CLOCK: variants seen among roughly 807,000 people sequenced by gnomAD.
The protein encoded by CLOCK is clock circadian regulator, also known as circadian locomoter output cycles protein kaput.
CLOCK carries 43 observed loss-of-function variants against 118.4 expected under a neutral mutation model. That is an observed-to-expected ratio of 0.36 (90% CI 0.28 to 0.47). The LOEUF is 0.47. Among genes scored for constraint, CLOCK ranks in the 20% least tolerant of loss-of-function variants. The pLI is 1.00. For synonymous variants in CLOCK, 326 were observed against 339.2 expected, an observed-to-expected ratio of 0.96 and a Z score of 0.43; for missense variants, 846 against 999.9, an observed-to-expected ratio of 0.85 and a Z score of 2.08.
At chr4:55,443,091 G>C (rs1380812754) in intron 20 of CLOCK, among the ~76,000 whole-genome samples, 2 of 152,096 alleles carry the variant, frequency 1.3e-5, no homozygotes, top group African/African-American at 2.4e-5. Context: ...TCAGCCTCTT[G>C]AGCAAGTCAT....
chr4:55,499,117 A>G (rs1728270073), intron 2 of CLOCK, among the ~76,000 whole-genome samples: 2 of 152,170 alleles, frequency 1.3e-5, no homozygotes, highest in African/African-American at 2.4e-5. Flanking sequence ...CATGAACATG[A>G]GTACTTTAAG....
At chr4:55,508,675 C>T (rs1451203791) in intron 2 of CLOCK, among the ~76,000 whole-genome samples, 2 of 151,474 alleles carry the variant, frequency 1.3e-5, no homozygotes, top group African/African-American at 4.9e-5. Context: ...TCACTGCAAG[C>T]GCCGACTCCC....
chr4:55,537,870 CAAT>C (rs1731006406), intron 1 of CLOCK, among the ~76,000 whole-genome samples: 1 of 152,082 alleles, frequency 6.6e-6, no homozygotes, highest in Non-Finnish European at 1.5e-5. Flanking sequence ...GGTCACAAAT[CAAT>C]GACCTCAGCT....
chr4:55,449,552 G>A, intron 16 of CLOCK, 56 bp from the exon 17 acceptor site: 1 of 1,395,396 alleles, frequency 7.2e-7, no homozygotes, highest in Non-Finnish European at 1.0e-6. Flanking sequence ...AGTTTTTAAA[G>A]ATTAATCTCA....
chr4:55,461,360 TAAGC>T (rs909446215), intron 9 of CLOCK, among the ~76,000 whole-genome samples: 2 of 152,186 alleles, frequency 1.3e-5, no homozygotes, highest in African/African-American at 4.8e-5. Context: ...GCAACTTTTA[TAAGC>T]AAGGTACTGC....
chr4:55,500,133 C>T (rs1327041921), intron 2 of CLOCK, among the ~76,000 whole-genome samples: 2 of 152,038 alleles, frequency 1.3e-5, no homozygotes, highest in African/African-American at 4.8e-5. Flanking sequence ...CTAACTGCTG[C>T]ACTCAACATG....
At chr4:55,490,473 G>A (rs189701844) in intron 2 of CLOCK, among the ~76,000 whole-genome samples, 203 of 152,206 alleles carry the variant, frequency 1.3e-3, no homozygotes, top group African/African-American at 4.6e-3. Flanking sequence ...GAGAAATCAA[G>A]AAGGAAAGCA....
chr4:55,447,445 A>C (rs1262677467), intron 18 of CLOCK, among the ~76,000 whole-genome samples: 1 of 152,262 alleles, frequency 6.6e-6, no homozygotes, highest in Non-Finnish European at 1.5e-5. Flanking sequence ...TTGGACAAGC[A>C]TTATATTGAT....
At chr4:55,451,944 G>A (rs1190883036) in intron 15 of CLOCK, among the ~76,000 whole-genome samples, 2 of 152,124 alleles carry the variant, frequency 1.3e-5, no homozygotes. Context: ...TTGAATGACT[G>A]AATGACATCT....
intron 2 of CLOCK, among the ~76,000 whole-genome samples, chr4:55,495,358 G>A (rs754337077): frequency 1.3e-5 from 2 of 151,906 alleles, no homozygotes; most frequent in African/African-American, 4.8e-5. Flanking sequence ...CTCCCCTCTG[G>A]GAGTTCTGCT....
intron 7 of CLOCK, among the ~76,000 whole-genome samples, chr4:55,475,259 T>C (rs1435244078): frequency 1.3e-5 from 2 of 152,160 alleles, no homozygotes; most frequent in Non-Finnish European, 2.9e-5. Context: ...GAATTAAAAG[T>C]GGAGTCTGAA....
intron 8 of CLOCK, among the ~76,000 whole-genome samples, chr4:55,466,417 TG>T (rs1293675085): frequency 2.6e-5 from 4 of 152,158 alleles, no homozygotes; most frequent in African/African-American, 9.7e-5. Flanking sequence ...TTTATAGCAG[TG>T]TGACAACAGA....
chr4:55,525,546 A>G (rs1730125979), intron 1 of CLOCK, among the ~76,000 whole-genome samples: 1 of 152,176 alleles, frequency 6.6e-6, no homozygotes, highest in Non-Finnish European at 1.5e-5. Context: ...CTTGTTGCCC[A>G]GGCTGGAGTG....
chr4:55,499,587 G>A (rs1478044387), intron 2 of CLOCK, among the ~76,000 whole-genome samples: 1 of 152,226 alleles, frequency 6.6e-6, no homozygotes, highest in Non-Finnish European at 1.5e-5. Context: ...ACAGGAGGCG[G>A]AGCTCAGGCG....
chr4:55,470,859 G>A (rs1726097531), intron 7 of CLOCK, 53 bp from the exon 8 acceptor site: 1 of 1,290,206 alleles, frequency 7.8e-7, no homozygotes, highest in South Asian at 1.3e-5. Flanking sequence ...TATTTTGCAG[G>A]ACAGAAATAA....
chr4:55,454,492 G>GTAATC (rs1277939017), intron 13 of CLOCK, among the ~76,000 whole-genome samples: 1 of 151,426 alleles, frequency 6.6e-6, no homozygotes, highest in African/African-American at 2.4e-5. Flanking sequence ...GTACGTGCCT[G>GTAATC]TAATCCCAGC....
chr4:55,437,857 A>AT (rs1368474448), intron 22 of CLOCK, among the ~76,000 whole-genome samples: 1 of 152,238 alleles, frequency 6.6e-6, no homozygotes, highest in Non-Finnish European at 1.5e-5. Context: ...CTGAAAAATT[A>AT]TAATAAGATT....
In CLOCK at chr4:55,523,440, T is replaced by C. The variant is rs1158271357; in HGVS notation, c.-289-13375A>G. 3.3e-5 allele frequency among the ~76,000 whole-genome samples: 5 copies of C among 152,248 alleles called. No homozygotes were observed. In the East Asian group the frequency reaches 9.6e-4, roughly 29 times the overall value. ...ACACCTTCTTGGTCCAATGGACCCT[T>C]TATATTTTCAAGTCATCTTATGAAT... On this transcript the variant is annotated intron_variant, in intron 1 of 22. Coordinates refer to ENST00000513440, the MANE Select transcript of CLOCK (RefSeq NM_004898.4).
At chr4:55,537,541 C>T (rs1730985979) in intron 1 of CLOCK, among the ~76,000 whole-genome samples, 1 of 152,142 alleles carries the variant, frequency 6.6e-6, no homozygotes, top group African/African-American at 2.4e-5. Context: ...TCTCTTGAGC[C>T]TGAGACGTCG....
Sources: allele counts gnomAD v4.1 joint callset (sites outside exome capture counted in the v4.1 genomes callset), GRCh38; gene constraint gnomAD v4.1.1; transcripts MANE v1.5; gene names NCBI Gene and HGNC (gene_info 2026-07-23, HGNC 2026-07-21).